PTPRD: variants seen among roughly 807,000 people sequenced by gnomAD.
PTPRD encodes the protein receptor-type tyrosine-protein phosphatase delta.
Under a neutral mutation model 214.5 loss-of-function variants are expected in PTPRD, and 34 were observed. The ratio of observed to expected loss-of-function variants is 0.16; its 90% CI spans 0.12 to 0.21. The LOEUF (loss-of-function observed/expected upper bound fraction) is 0.21. PTPRD is among the 10% of genes least tolerant of loss of function. The pLI is 1.00. For synonymous variants in PTPRD, 1,128 were observed against 845.7 expected, an observed-to-expected ratio of 1.33 and a Z score of -5.79; for missense variants, 2,545 against 2,398.7, an observed-to-expected ratio of 1.06 and a Z score of -1.27.
intron 3 of PTPRD, among the ~76,000 whole-genome samples, chr9:10,050,467 G>T (rs1477819911): frequency 6.9e-6 from 1 of 145,730 alleles, no homozygotes; most frequent in Non-Finnish European, 1.5e-5. Flanking sequence ...GGCTGAGGCA[G>T]GAGAATTGCT....
At chr9:8,758,991 G>A (rs867098423) in intron 11 of PTPRD, among the ~76,000 whole-genome samples, 7 of 150,820 alleles carry the variant, frequency 4.6e-5, no homozygotes, top group African/African-American at 1.7e-4. Flanking sequence ...GGCCTAACAG[G>A]GTCATTTTTT....
At chr9:8,799,421 C>T (rs905927426) in intron 11 of PTPRD, among the ~76,000 whole-genome samples, 2 of 152,264 alleles carry the variant, frequency 1.3e-5, no homozygotes, top group South Asian at 2.1e-4. Flanking sequence ...TGGAAGAGAC[C>T]TGGAATTGTC....
intron 8 of PTPRD, among the ~76,000 whole-genome samples, chr9:9,537,631 A>C (rs774399296): frequency 3.3e-5 from 5 of 151,976 alleles, no homozygotes; most frequent in African/African-American, 4.8e-5. Context: ...TAGAATTCCC[A>C]GTGAATTTAC....
chr9:9,100,851 A>G (rs911944460), intron 10 of PTPRD, among the ~76,000 whole-genome samples: 1 of 152,158 alleles, frequency 6.6e-6, no homozygotes, highest in African/African-American at 2.4e-5. Context: ...ATATTATATT[A>G]TTAACATTGA....
intron 8 of PTPRD, among the ~76,000 whole-genome samples, chr9:9,567,156 A>C (rs2084817353): frequency 1.3e-5 from 2 of 151,988 alleles, no homozygotes; most frequent in Admixed American, 1.3e-4. Context: ...TTTGAGCTGA[A>C]ATTTGAAGGA....
At chr9:8,586,473 C>T (rs1480284497) in intron 14 of PTPRD, among the ~76,000 whole-genome samples, 2 of 152,056 alleles carry the variant, frequency 1.3e-5, no homozygotes, top group Non-Finnish European at 2.9e-5. Flanking sequence ...TTGTGTTGTC[C>T]TTATTTCATC....
chr9:9,884,547 A>G (rs551025433), intron 5 of PTPRD, among the ~76,000 whole-genome samples: 8 of 152,274 alleles, frequency 5.3e-5, no homozygotes, highest in Admixed American at 3.9e-4. Context: ...GATGGCAGGT[A>G]GAAGCTGGAA....
chr9:10,393,267 G>C (rs1288238468), intron 2 of PTPRD, among the ~76,000 whole-genome samples: 1 of 151,520 alleles, frequency 6.6e-6, no homozygotes, highest in East Asian at 2.0e-4. Context: ...GACAGAAAAA[G>C]TAACAATTGG....
chr9:9,484,123 A>G (rs938099959), intron 8 of PTPRD, among the ~76,000 whole-genome samples: 6 of 151,940 alleles, frequency 3.9e-5, no homozygotes, highest in Non-Finnish European at 8.8e-5. Context: ...TTAATAAGAG[A>G]TTGATTTAAA....
At chr9:9,431,283 G>C (rs990051782) in intron 8 of PTPRD, among the ~76,000 whole-genome samples, 1 of 152,168 alleles carries the variant, frequency 6.6e-6, no homozygotes, top group African/African-American at 2.4e-5. Flanking sequence ...CACTTATGCA[G>C]TCAACAGACA....
At chr9:9,683,145 T>C (rs1302439437) in intron 7 of PTPRD, among the ~76,000 whole-genome samples, 2 of 151,838 alleles carry the variant, frequency 1.3e-5, no homozygotes, top group Admixed American at 1.3e-4. Flanking sequence ...AACAAATTGG[T>C]GGAACCATTT....
At chr9:9,753,082 T>C (rs2098537244) in intron 6 of PTPRD, among the ~76,000 whole-genome samples, 1 of 152,096 alleles carries the variant, frequency 6.6e-6, no homozygotes. Context: ...TGTTAGACTT[T>C]TAATACAACA....
chr9:9,184,336 A>G (rs2099930067), intron 9 of PTPRD, among the ~76,000 whole-genome samples: 1 of 152,066 alleles, frequency 6.6e-6, no homozygotes, highest in South Asian at 2.1e-4. Context: ...ATGTGACTAC[A>G]TTCCTCACCA....
rs149364910 is a variant in PTPRD at position 9,284,543 on chromosome 9, C to T, written c.-202-101180G>A. Among the ~76,000 whole-genome samples, 408 of 151,858 alleles carry T rather than the reference C, an allele frequency of 2.7e-3. 2 individuals carry two copies. The highest frequency in any genetic ancestry group is 9.1e-3 in the African/African-American group (377 of 41,508). On this transcript the variant is annotated intron_variant, in intron 9 of 45. Coordinates refer to ENST00000381196, the MANE Select transcript of PTPRD (RefSeq NM_002839.4). ...GCAAGGAAATGTCTCAGGTCCATTC[C>T]ATGAACATCTTGGTCAATCATTTCT... is the stretch of plus-strand genomic sequence containing the variant.
chr9:9,919,424 G>A (rs1483896649), intron 5 of PTPRD, among the ~76,000 whole-genome samples: 1 of 152,114 alleles, frequency 6.6e-6, no homozygotes, highest in Non-Finnish European at 1.5e-5. Flanking sequence ...TTTTGCAGAA[G>A]CTTTTCAGAC....
intron 5 of PTPRD, among the ~76,000 whole-genome samples, chr9:9,823,289 G>C (rs187195411): frequency 6.6e-6 from 1 of 151,982 alleles, no homozygotes; most frequent in African/African-American, 2.4e-5. Context: ...AAGGCAAAGG[G>C]GGAGCAGGCA....
intron 14 of PTPRD, among the ~76,000 whole-genome samples, chr9:8,617,665 T>G (rs2095658333): frequency 6.6e-6 from 1 of 152,240 alleles, no homozygotes; most frequent in East Asian, 1.9e-4. Flanking sequence ...AGTCTTGATT[T>G]TAAAAATCCA....
At chr9:10,267,744 AG>A (rs2094161969) in intron 3 of PTPRD, among the ~76,000 whole-genome samples, 1 of 152,186 alleles carries the variant, frequency 6.6e-6, no homozygotes, top group Non-Finnish European at 1.5e-5. Context: ...TGTTCATTAA[AG>A]TCTTATTTTT....
At chr9:9,775,536 G>C (rs2098790769) in intron 5 of PTPRD, among the ~76,000 whole-genome samples, 1 of 152,200 alleles carries the variant, frequency 6.6e-6, no homozygotes, top group Admixed American at 6.5e-5. Context: ...GAGAAGAGTA[G>C]TAGATAAAAG....
Sources: allele counts gnomAD v4.1 joint callset (sites outside exome capture counted in the v4.1 genomes callset), GRCh38; gene constraint gnomAD v4.1.1; transcripts MANE v1.5; gene names NCBI Gene and HGNC (gene_info 2026-07-23, HGNC 2026-07-21).